NRXN1: variants seen among roughly 807,000 people sequenced by gnomAD.
NRXN1 encodes the protein neurexin-1.
Under a neutral mutation model 150.9 loss-of-function variants are expected in NRXN1, and 39 were observed. That is an observed-to-expected ratio of 0.26 (90% CI 0.20 to 0.34). The LOEUF is 0.34. Ranked by LOEUF, NRXN1 falls within the 10% of genes least tolerant of loss-of-function variation. The probability of loss-of-function intolerance (pLI) is 1.00; values close to 1 mark genes in which losing one functional copy is unlikely to be tolerated. For missense variants in NRXN1, 1,815 were observed against 1,949.9 expected (o/e 0.93, Z 1.30); for synonymous variants, 924 against 757.0 (o/e 1.22, Z -3.62).
rs375728686 is a variant in NRXN1, at chr2:50,479,112, C to A, written c.3071-6641G>T. ...CAGCAGTGATCAAGATTTTGAATTA[C>A]TTCTCTTCAAAAACTTTTGCTAAAC... is the stretch of plus-strand genomic sequence containing the variant. On this transcript the variant is annotated intron_variant, in intron 15 of 22. Transcript: ENST00000401669. Among the ~76,000 whole-genome samples the A allele has an allele frequency of 6.6e-5, 10 of 152,164 alleles. No individual in the cohort carries two copies. The South Asian group carries it at 2.1e-3, about 31-fold the overall frequency.
At chr2:50,359,288 G>A (rs2079026970) in intron 17 of NRXN1, among the ~76,000 whole-genome samples, 1 of 151,864 alleles carries the variant, frequency 6.6e-6, no homozygotes, top group South Asian at 2.1e-4. Context: ...GGCTTCAGAA[G>A]GTGGGTAATA....
intron 8 of NRXN1, among the ~76,000 whole-genome samples, chr2:50,603,646 T>C (rs1676634398): frequency 1.3e-5 from 2 of 152,280 alleles, no homozygotes; most frequent in Admixed American, 1.3e-4. Context: ...TTTGGCTAGA[T>C]GACTTTTCAG....
chr2:50,681,245 T>C (rs886918135), intron 5 of NRXN1, among the ~76,000 whole-genome samples: 45 of 152,244 alleles, frequency 3.0e-4, no homozygotes, highest in African/African-American at 1.0e-3. Flanking sequence ...AAAAACTGTG[T>C]TGTTCTCACT....
chr2:50,823,638 C>T (rs1022934242), intron 5 of NRXN1, among the ~76,000 whole-genome samples: 5 of 152,162 alleles, frequency 3.3e-5, no homozygotes, highest in Non-Finnish European at 7.4e-5. Flanking sequence ...TGTCTACATG[C>T]TAATTAAGTA....
chr2:51,003,588 T>C (rs1198907753), intron 2 of NRXN1, among the ~76,000 whole-genome samples: 3 of 151,942 alleles, frequency 2.0e-5, no homozygotes, highest in South Asian at 4.1e-4. Context: ...GAAATTCTAA[T>C]TGAAAAAAGG....
At chr2:50,923,857 C>T (rs1320327347) in intron 3 of NRXN1, among the ~76,000 whole-genome samples, 2 of 151,764 alleles carry the variant, frequency 1.3e-5, no homozygotes, top group East Asian at 3.9e-4. Flanking sequence ...GGTATTCAAA[C>T]ATCTCTGTAG....
At chr2:51,021,141 T>A (rs922313799) in intron 2 of NRXN1, among the ~76,000 whole-genome samples, 1 of 152,030 alleles carries the variant, frequency 6.6e-6, no homozygotes, top group Admixed American at 6.6e-5. Context: ...TACTGTTTTT[T>A]AATAAACCAA....
intron 8 of NRXN1, among the ~76,000 whole-genome samples, chr2:50,583,625 G>A (rs1305372995): frequency 6.6e-6 from 1 of 152,154 alleles, no homozygotes; most frequent in South Asian, 2.1e-4. Context: ...TGAAGACTGA[G>A]TAAATAGCCA....
chr2:50,783,203 G>A (rs1704595934), intron 5 of NRXN1, among the ~76,000 whole-genome samples: 2 of 152,106 alleles, frequency 1.3e-5, no homozygotes, highest in Non-Finnish European at 2.9e-5. Flanking sequence ...AGCATCAGCT[G>A]AACTTGAATT....
intron 21 of NRXN1, among the ~76,000 whole-genome samples, chr2:50,026,965 T>C: frequency 7.4e-6 from 1 of 135,546 alleles, no homozygotes; most frequent in Non-Finnish European, 1.5e-5. Context: ...CACTGAAACC[T>C]CCGGCTCCCA....
intron 21 of NRXN1, among the ~76,000 whole-genome samples, chr2:50,031,281 C>A (rs1445870321): frequency 2.0e-5 from 3 of 151,930 alleles, no homozygotes; most frequent in Non-Finnish European, 1.5e-5. Context: ...TATTACACTG[C>A]TAATCTTGGT....
intron 5 of NRXN1, among the ~76,000 whole-genome samples, chr2:50,711,422 G>A (rs374284555): frequency 7.0e-6 from 1 of 142,224 alleles, no homozygotes; most frequent in South Asian, 2.4e-4. Context: ...TGCAACCTCC[G>A]CCTCCCAGGT....
In NRXN1 at chr2:51,028,236, A is replaced by G; in HGVS notation, c.38T>C (p.Leu13Pro). 6.8e-7 allele frequency: 1 copy of G among 1,472,428 alleles called. No homozygotes were observed. The highest frequency in any genetic ancestry group is 8.9e-7 in the Non-Finnish European group (1 of 1,119,530). 91.2% of individuals were successfully genotyped at this position (1,472,428 alleles called of 1,614,324 possible). A position where few individuals can be genotyped will look rare whatever the true frequency, so the allele number is the denominator to read the frequency against. ...TALLQRGGCF[L>P]LCLSLLLLGC... Reference sequence around the variant, plus strand: ...CAGGAGCAGCAGCGAGAGGCACAGAAGAAAACAGCCCCCGCGCTGGAGCAG... The same window carrying G: ...CAGGAGCAGCAGCGAGAGGCACAGAGGAAAACAGCCCCCGCGCTGGAGCAG... Residue 13 changes from leucine to proline, a missense_variant, in exon 2 of 23, where the codon CTT becomes CCT. Coordinates refer to ENST00000401669, the MANE Select transcript of NRXN1 (RefSeq NM_001330078.2).
chr2:50,116,661 C>G (rs1242520535), intron 18 of NRXN1, among the ~76,000 whole-genome samples: 1 of 151,940 alleles, frequency 6.6e-6, no homozygotes, highest in Admixed American at 6.6e-5. Flanking sequence ...ACCTCTTCCC[C>G]ACATCTCTTC....
intron 17 of NRXN1, among the ~76,000 whole-genome samples, chr2:50,257,924 G>T (rs1574786375): frequency 6.6e-6 from 1 of 151,752 alleles, no homozygotes; most frequent in African/African-American, 2.4e-5. Context: ...TGCATATAAA[G>T]GTTGTTTATA....
At chr2:50,712,935 G>GAAATGATATCATTTACAA (rs1695370100) in intron 5 of NRXN1, among the ~76,000 whole-genome samples, 1 of 152,126 alleles carries the variant, frequency 6.6e-6, no homozygotes, top group African/African-American at 2.4e-5. Context: ...TTATCTGATG[G>GAAATGATATCATTTACAA]AAATGATATC....
At chr2:50,189,303 G>C (rs1005846170) in intron 18 of NRXN1, among the ~76,000 whole-genome samples, 4 of 152,074 alleles carry the variant, frequency 2.6e-5, no homozygotes, top group Non-Finnish European at 4.4e-5. Flanking sequence ...ACTCATAAGT[G>C]GGAGTTGAAC....
chr2:50,582,478 C>CAAAAAAAAA (rs56941425), intron 8 of NRXN1, among the ~76,000 whole-genome samples: 7 of 44,220 alleles, frequency 1.6e-4, no homozygotes, highest in Non-Finnish European at 2.2e-4. Flanking sequence ...GACTCGTCTC[C>CAAAAAAAAA]AAAAAAAAAA....
chr2:50,027,127 C>T (rs1429868593), intron 21 of NRXN1, among the ~76,000 whole-genome samples: 1 of 151,818 alleles, frequency 6.6e-6, no homozygotes, highest in East Asian at 1.9e-4. Flanking sequence ...CATGATCCAC[C>T]CAACTCGGGT....
Sources: allele counts gnomAD v4.1 joint callset (sites outside exome capture counted in the v4.1 genomes callset), GRCh38; gene constraint gnomAD v4.1.1; transcripts MANE v1.5; gene names NCBI Gene and HGNC (gene_info 2026-07-23, HGNC 2026-07-21).